Variants in PTGR2 observed in about 807,000 individuals in gnomAD.
PTGR2 encodes prostaglandin reductase 2.
Under a neutral mutation model 43.4 loss-of-function variants are expected in PTGR2, and 32 were observed. That is an observed-to-expected ratio of 0.74 (90% CI 0.56 to 0.99). The LOEUF is 0.99. PTGR2 is among the 50% of genes least tolerant of loss of function. The pLI is 0.00. For missense variants in PTGR2, 373 were observed against 420.0 expected (o/e 0.89, Z 0.98); for synonymous variants, 106 against 139.2 (o/e 0.76, Z 1.68).
rs1390779621 is a variant in PTGR2, at chr14:73,874,140, A to G, written c.274A>G (p.Lys92Glu). 1.2e-6 allele frequency: 2 copies of G among 1,613,902 alleles called. No individual in the cohort carries two copies. Among genetic ancestry groups the G allele is most frequent in the Non-Finnish European group, 1.7e-6 (2 of 1,179,978 alleles). ...IEESKHTNLT[K>E]GDFVTSFYWP... ...AGAAAGCAAACACACAAATTTGACT[A>G]AAGGCGATTTTGTGACTTCTTTCTA... Residue 92 changes from lysine (K) to glutamate (E), a missense_variant, in exon 4 of 10, where the codon AAA (lysine) becomes GAA (glutamate). By Grantham distance (56) the Lys-to-Glu change is moderately conservative (BLOSUM62 1). Coordinates refer to ENST00000555661, the MANE Select transcript of PTGR2 (RefSeq NM_001146154.2).
intron 3 of PTGR2, among the ~76,000 whole-genome samples, chr14:73,869,762 A>G (rs1271646035): frequency 1.3e-5 from 2 of 151,490 alleles, no homozygotes; most frequent in Non-Finnish European, 2.9e-5. Context: ...GAGGTGGCTC[A>G]TGCTGGTAAT....
intron 2 of PTGR2, among the ~76,000 whole-genome samples, chr14:73,859,951 C>T (rs1048531972): frequency 1.6e-4 from 24 of 151,332 alleles, no homozygotes; most frequent in African/African-American, 5.1e-4. Flanking sequence ...CGGGTTCAAG[C>T]GATTCTTCTG....
chr14:73,879,014 C>A, intron 5 of PTGR2, 82 bp from the exon 6 acceptor site: 1 of 1,119,480 alleles, frequency 8.9e-7, no homozygotes. Context: ...TGTCATATAC[C>A]TGTAATATCT....
At chr14:73,853,009 C>T (rs890140954) in intron 1 of PTGR2, among the ~76,000 whole-genome samples, 30 of 151,680 alleles carry the variant, frequency 2.0e-4, no homozygotes, top group Non-Finnish European at 2.7e-4. Flanking sequence ...TTTAGTAGAG[C>T]GGGGTTTTCC....
At chr14:73,882,700 C>G (rs2055019587) in intron 9 of PTGR2, among the ~76,000 whole-genome samples, 1 of 148,998 alleles carries the variant, frequency 6.7e-6, no homozygotes, top group Non-Finnish European at 1.5e-5. Context: ...CGGGGTTTCA[C>G]TGTCTTAGCC....
In PTGR2 at chr14:73,880,154, CAGAA is replaced by C; in HGVS notation, c.839_842del (p.Arg280ThrfsTer10). 1 of 1,613,952 alleles carries C rather than the reference CAGAA, an allele frequency of 6.2e-7. No individual in the cohort carries two copies. Among genetic ancestry groups the C allele is most frequent in the East Asian group, 2.2e-5 (1 of 44,862 alleles). On this transcript the variant is annotated frameshift_variant, in exon 7 of 10. Coordinates refer to ENST00000555661, the MANE Select transcript of PTGR2 (RefSeq NM_001146154.2). ...GCTATCCCCTGCTATAGAGGCAATC[CAGAA>C]AGAAAGAAACATCACAAGGTGTGTT...
intron 1 of PTGR2, among the ~76,000 whole-genome samples, chr14:73,855,383 T>C (rs184855574): frequency 5.6e-4 from 86 of 152,288 alleles, no homozygotes; most frequent in African/African-American, 2.0e-3. Context: ...TATAATGGAA[T>C]TGAAAAATTC....
At chr14:73,882,800 C>CTTTTTTTTTTTTTTTTTTTTTT (rs35651032) in intron 9 of PTGR2, among the ~76,000 whole-genome samples, 2 of 41,868 alleles carry the variant, frequency 4.8e-5, no homozygotes, top group Admixed American at 3.8e-4. Context: ...ACGCCTGGCC[C>CTTTTTTTTTTTTTTTTTTTTTT]TTTTTTTTTT....
chr14:73,870,193 C>CTTTTTTT (rs34746463), intron 3 of PTGR2, among the ~76,000 whole-genome samples: 1 of 127,606 alleles, frequency 7.8e-6, no homozygotes, highest in Non-Finnish European at 1.6e-5. Flanking sequence ...CTTAAGCAAC[C>CTTTTTTT]TTTTTTTTTT....
At chr14:73,881,697 T>C (rs1378535266) in intron 8 of PTGR2, among the ~76,000 whole-genome samples, 1 of 152,090 alleles carries the variant, frequency 6.6e-6, no homozygotes, top group Non-Finnish European at 1.5e-5. Flanking sequence ...CTGGACATTC[T>C]AATGTATGTC....
intron 3 of PTGR2, among the ~76,000 whole-genome samples, chr14:73,871,213 T>C (rs778036191): frequency 3.3e-5 from 5 of 152,284 alleles, no homozygotes; most frequent in East Asian, 3.9e-4. Flanking sequence ...AAGGACCTGA[T>C]TGAGGAGTTT....
chr14:73,868,531 A>C (rs2054654312), intron 3 of PTGR2, among the ~76,000 whole-genome samples: 1 of 152,096 alleles, frequency 6.6e-6, no homozygotes, highest in Non-Finnish European at 1.5e-5. Flanking sequence ...TTATTTTTAG[A>C]GATAACAACT....
chr14:73,852,640 C>A (rs1042973222), intron 1 of PTGR2, among the ~76,000 whole-genome samples: 18 of 152,000 alleles, frequency 1.2e-4, no homozygotes, highest in African/African-American at 4.4e-4. Flanking sequence ...GGGCTAGAGA[C>A]GCAAATTATT....
intron 3 of PTGR2, chr14:73,861,689 T>C (rs922038262): frequency 1.1e-4 from 16 of 152,190 alleles, no homozygotes; most frequent in African/African-American, 3.6e-4. Context: ...TGAGCCATGA[T>C]TGCGCCACTG....
At chr14:73,869,549 G>T (rs901699400) in intron 3 of PTGR2, among the ~76,000 whole-genome samples, 1 of 150,614 alleles carries the variant, frequency 6.6e-6, no homozygotes, top group Non-Finnish European at 1.5e-5. Flanking sequence ...ACTCCAGCCT[G>T]GGCAACAGAG....
intron 5 of PTGR2, chr14:73,878,492 G>A (rs1269280133): frequency 5.6e-6 from 1 of 178,260 alleles, no homozygotes; most frequent in Non-Finnish European, 1.2e-5. Flanking sequence ...TATGCATTCA[G>A]TGGAAGCCAT....
chr14:73,856,243 CTTT>C (rs1396942076), intron 1 of PTGR2, among the ~76,000 whole-genome samples: 4 of 151,926 alleles, frequency 2.6e-5, no homozygotes, highest in Non-Finnish European at 5.9e-5. Context: ...ATTTTAAAAT[CTTT>C]TTTGTTGTTG....
intron 3 of PTGR2, among the ~76,000 whole-genome samples, chr14:73,865,894 A>G (rs1460926606): frequency 6.6e-6 from 1 of 152,218 alleles, no homozygotes; most frequent in South Asian, 2.1e-4. Context: ...CTGGACTTTC[A>G]ACTCTATTCT....
At chr14:73,872,958 CAG>C (rs2054771288) in intron 3 of PTGR2, among the ~76,000 whole-genome samples, 1 of 146,566 alleles carries the variant, frequency 6.8e-6, no homozygotes, top group Non-Finnish European at 1.5e-5. Flanking sequence ...GCCTGGGTGA[CAG>C]AGACTCCATC....
Sources: gnomAD v4.1 joint callset for allele counts (sites outside exome capture counted in the v4.1 genomes callset) on GRCh38, gnomAD v4.1.1 for gene constraint, MANE v1.5 for transcripts, NCBI Gene and HGNC (gene_info 2026-07-23, HGNC 2026-07-21) for gene names.